The following TEX14 variants were observed in gnomAD, a reference collection of about 807,000 sequenced individuals.
TEX14 encodes the protein testis expressed 14, intercellular bridge forming factor.
Under a neutral mutation model 178.6 loss-of-function variants are expected in TEX14, and 168 were observed. That is an observed-to-expected ratio of 0.94 (90% CI 0.83 to 1.07). The LOEUF is 1.07. TEX14 is among the 50% of genes least tolerant of loss of function. TEX14 has a pLI of 0.00. For missense variants in TEX14, 1,730 were observed against 1,753.6 expected, an observed-to-expected ratio of 0.99 and a Z score of 0.24; for synonymous variants, 626 against 634.1, an observed-to-expected ratio of 0.99 and a Z score of 0.19.
chr17:58,645,132 C>T (rs2046673007), intron 2 of TEX14, among the ~76,000 whole-genome samples: 1 of 151,302 alleles, frequency 6.6e-6, no homozygotes, highest in African/African-American at 2.4e-5. Flanking sequence ...ACTACAGGCC[C>T]ACGCCACCAT....
intron 2 of TEX14, chr17:58,631,753 CTCTCGCGGTTTCCAGCGTTCT>C (rs2046313284): frequency 6.6e-6 from 1 of 150,748 alleles, no homozygotes; most frequent in Non-Finnish European, 1.5e-5. Flanking sequence ...AAATATCTCC[CTCTCGCGGTTTCCAGCGTTCT>C]ACACGTTCAG....
chr17:58,612,956 C>T, intron 9 of TEX14, among the ~76,000 whole-genome samples: 1 of 152,010 alleles, frequency 6.6e-6, no homozygotes, highest in East Asian at 1.9e-4. Context: ...AATCCCAGCA[C>T]TCTGGGAGGC....
chr17:58,668,305 C>A (rs1248313965), intron 1 of TEX14, among the ~76,000 whole-genome samples: 1 of 152,212 alleles, frequency 6.6e-6, no homozygotes, highest in African/African-American at 2.4e-5. Flanking sequence ...GGTCTCTATA[C>A]CTATCCTGAT....
In TEX14 at chr17:58,565,794, G is replaced by A. The variant is rs778118485; in HGVS notation, c.3917C>T (p.Thr1306Met). Reference sequence around the variant, plus strand: ...ACTTGCTGTGTTCTCATGCAACACCGTGGATGAGCCCTGCTGCTGTTTCAA... The same window carrying A: ...ACTTGCTGTGTTCTCATGCAACACCATGGATGAGCCCTGCTGCTGTTTCAA... ...ELLKQQQGSS[T>M]VLHENTASDG... The change falls in exon 27 of 32, where the codon ACG (threonine) becomes ATG (methionine). Residue 1306 changes from threonine to methionine, a missense_variant. Coordinates refer to ENST00000349033, the MANE Select transcript of TEX14 (RefSeq NM_031272.5). 19 of 1,609,396 alleles carry A rather than the reference G, an allele frequency of 1.2e-5. No homozygotes were observed. The highest frequency in any genetic ancestry group is 1.7e-4 in the Middle Eastern group (1 of 5,808).
rs2144548887 is a variant in TEX14, at chr17:58,621,787, C to T, written c.418-1G>A. The T allele has an allele frequency of 6.2e-7, 1 of 1,612,388 alleles. No individual in the cohort carries two copies. The stretch of plus-strand genomic sequence containing the variant: ...CACAGCGCTGCATGAACTCCACTAT[C>T]TGCAAAACATCGCAGAGATGCCCAG... On this transcript the variant is annotated splice_acceptor_variant, in intron 4 of 31. Transcript: ENST00000349033. LOFTEE classifies it high-confidence loss of function.
chr17:58,604,804 A>T (rs1053293207), intron 11 of TEX14, among the ~76,000 whole-genome samples, 174 bp downstream of exon 11: 16 of 151,552 alleles, frequency 1.1e-4, no homozygotes, highest in Non-Finnish European at 1.9e-4. Context: ...CAGGTGATCC[A>T]CCCGCCTCAG....
At chr17:58,572,353 G>A (rs545219018) in intron 23 of TEX14, among the ~76,000 whole-genome samples, 2 of 152,058 alleles carry the variant, frequency 1.3e-5, no homozygotes, top group Non-Finnish European at 2.9e-5. Flanking sequence ...AAATAAGGCC[G>A]GGTACGGTGG....
At chr17:58,602,926 C>G (rs302856) in intron 11 of TEX14, among the ~76,000 whole-genome samples, 1 of 151,534 alleles carries the variant, frequency 6.6e-6, no homozygotes, top group Non-Finnish European at 1.5e-5. Context: ...ATTAGCCAGG[C>G]GTGGTGGCGC....
At chr17:58,581,050 C>T (rs948651404) in intron 19 of TEX14, among the ~76,000 whole-genome samples, 4 of 152,160 alleles carry the variant, frequency 2.6e-5, no homozygotes, top group Non-Finnish European at 4.4e-5. Context: ...TGGTGGCTCA[C>T]GCCTGTAATC....
chr17:58,676,752 G>A (rs923274676), intron 1 of TEX14, among the ~76,000 whole-genome samples: 2 of 152,128 alleles, frequency 1.3e-5, no homozygotes, highest in African/African-American at 4.8e-5. Context: ...TTGAGAGGCC[G>A]AGGTGGGAGG....
chr17:58,561,655 C>T, intron 28 of TEX14, 43 bp from the exon 29 acceptor site: 1 of 1,340,564 alleles, frequency 7.5e-7, no homozygotes, highest in Non-Finnish European at 1.1e-6. Flanking sequence ...ACAGTCATTT[C>T]CCATCCCCCT....
At chr17:58,634,338 G>A (rs760067511) in intron 2 of TEX14, among the ~76,000 whole-genome samples, 14 of 151,978 alleles carry the variant, frequency 9.2e-5, no homozygotes, top group Non-Finnish European at 1.6e-4. Context: ...GCTTGAACCC[G>A]AGAGGTAGAG....
chr17:58,580,354 C>T (rs1446677596), intron 19 of TEX14, among the ~76,000 whole-genome samples: 1 of 152,126 alleles, frequency 6.6e-6, no homozygotes, highest in Non-Finnish European at 1.5e-5. Context: ...TTCTGTCGCC[C>T]AGGCTGGAGT....
chr17:58,688,689 T>C (rs907992764), intron 1 of TEX14, among the ~76,000 whole-genome samples: 4 of 152,150 alleles, frequency 2.6e-5, no homozygotes, highest in African/African-American at 9.7e-5. Flanking sequence ...CTTCCAGACA[T>C]GTGATACAAA....
Position 58,689,797 on chromosome 17 carries a change from A to C in TEX14, c.-2+2142T>G, listed in dbSNP as rs1428482589. Among the ~76,000 whole-genome samples, 4 of 152,080 alleles carry C rather than the reference A, an allele frequency of 2.6e-5. No individual in the cohort carries two copies. In the South Asian group the frequency reaches 6.2e-4, roughly 24 times the overall value. On this transcript the variant is annotated intron_variant, in intron 1 of 31. Coordinates refer to ENST00000349033, the MANE Select transcript of TEX14 (RefSeq NM_031272.5). ...GACTACAGAGCAAATTGCATTAAAGACATCTTAAGAATGATGATGAAAATA... is the reference window on the plus strand; with the variant it reads ...GACTACAGAGCAAATTGCATTAAAGCCATCTTAAGAATGATGATGAAAATA...
At chr17:58,654,084 G>A (rs563364134) in intron 1 of TEX14, among the ~76,000 whole-genome samples, 7 of 152,176 alleles carry the variant, frequency 4.6e-5, no homozygotes, top group South Asian at 2.1e-4. Context: ...AGACTGAGGC[G>A]GGAGAATGGC....
At chr17:58,600,043 G>A (rs1312604432) in intron 13 of TEX14, among the ~76,000 whole-genome samples, 1 of 152,112 alleles carries the variant, frequency 6.6e-6, no homozygotes, top group Non-Finnish European at 1.5e-5. Flanking sequence ...GTGTTGCCCA[G>A]GTTGCTCTCA....
rs1473415172 is a variant in TEX14, at chr17:58,599,150, A to G, written c.2195T>C (p.Leu732Pro). Residue 732 changes from leucine (L) to proline (P), a missense_variant, in exon 14 of 32, where the codon CTG (leucine) becomes CCG (proline). Coordinates refer to ENST00000349033, the MANE Select transcript of TEX14 (RefSeq NM_031272.5). ...TEEYLISKCV[L>P]DLKIMQTIMH... ...TATTGTCTGCATAATCTTTAGATCC[A>G]GCACACACTTACTGATGAGATACTC... is the stretch of plus-strand genomic sequence containing the variant. 3.1e-6 allele frequency: 5 copies of G among 1,614,016 alleles called. No homozygotes were observed. Among genetic ancestry groups the G allele is most frequent in the East Asian group, 2.2e-5 (1 of 44,892 alleles).
Position 58,599,314 on chromosome 17 carries a change from C to T in TEX14, c.2031G>A (p.Glu677=), listed in dbSNP as rs1260077366. Residue 677 remains glutamate, a synonymous_variant, in exon 14 of 32, where the codon GAG becomes GAA. Coordinates refer to ENST00000349033, the MANE Select transcript of TEX14 (RefSeq NM_031272.5). ...TCTCAGCTTTTGAAGAGCTCTCATCCTCACTGCCAAAACAACACGCCTCTC... is the reference window on the plus strand; with the variant it reads ...TCTCAGCTTTTGAAGAGCTCTCATCTTCACTGCCAAAACAACACGCCTCTC... The part of the protein sequence containing the change: ...MEREACCFGS[E]DESSSKAETE... The T allele has an allele frequency of 6.2e-7, 1 of 1,613,486 alleles. No homozygotes were observed. The highest frequency in any genetic ancestry group is 8.5e-7 in the Non-Finnish European group (1 of 1,180,042).
Sources: allele counts gnomAD v4.1 joint callset (sites outside exome capture counted in the v4.1 genomes callset), GRCh38; gene constraint gnomAD v4.1.1; transcripts MANE v1.5; gene names NCBI Gene and HGNC (gene_info 2026-07-23, HGNC 2026-07-21).